WWOX: variants seen among roughly 807,000 people sequenced by gnomAD.
WWOX encodes WW domain containing oxidoreductase, also known as WW domain-containing oxidoreductase.
Under a neutral mutation model 46.2 loss-of-function variants are expected in WWOX, and 69 were observed. That is an observed-to-expected ratio of 1.49 (90% CI 1.23 to 1.82). WWOX has a LOEUF of 1.82. Among genes scored for constraint, WWOX ranks in the 40% most tolerant of loss-of-function variants. WWOX has a pLI of 0.00. For missense variants in WWOX, 919 were observed against 542.6 expected (o/e 1.69, Z -6.89); for synonymous variants, 359 against 202.6 (o/e 1.77, Z -6.56).
At chr16:78,412,976 T>G (rs2082717153) in intron 6 of WWOX, among the ~76,000 whole-genome samples, 1 of 152,210 alleles carries the variant, frequency 6.6e-6, no homozygotes, top group Non-Finnish European at 1.5e-5. Flanking sequence ...CTGTTCTGAT[T>G]TTTCCTTACC....
At chr16:78,947,562 T>C (rs1417847186) in intron 8 of WWOX, among the ~76,000 whole-genome samples, 3 of 152,198 alleles carry the variant, frequency 2.0e-5, no homozygotes, top group Admixed American at 2.0e-4. Context: ...AGCTGTCTGT[T>C]ACAGATTTTC....
At chr16:78,702,813 G>A (rs1457613836) in intron 8 of WWOX, among the ~76,000 whole-genome samples, 3 of 152,110 alleles carry the variant, frequency 2.0e-5, no homozygotes, top group East Asian at 1.9e-4. Context: ...TGTGTGCTGC[G>A]GGTCGAGGGA....
At chr16:78,317,820 T>C (rs2080386353) in intron 5 of WWOX, among the ~76,000 whole-genome samples, 1 of 152,122 alleles carries the variant, frequency 6.6e-6, no homozygotes, top group Non-Finnish European at 1.5e-5. Flanking sequence ...GGTGGAACCA[T>C]GAGGAAATGA....
In WWOX at chr16:79,205,184, A is replaced by C. The variant is rs186862891; in HGVS notation, c.1057-6424A>C. 460 of 152,296 alleles carry C rather than the reference A, an allele frequency of 3.0e-3. 4 individuals carry two copies. Among genetic ancestry groups the C allele is most frequent in the Non-Finnish European group, 5.1e-3 (345 of 68,072 alleles). The allele number at this position is 152,296 out of a possible 1,614,324, so 9.4% of individuals were successfully genotyped here. ...CTTCCCCCTGCATGCGTTTCTCTCA[A>C]GGTGTCCCTTGTAATTTGTGGTTGT... On this transcript the variant is annotated intron_variant, in intron 8 of 8. Coordinates refer to ENST00000566780, the MANE Select transcript of WWOX (RefSeq NM_016373.4).
chr16:78,782,002 C>A (rs1417865947), intron 8 of WWOX, among the ~76,000 whole-genome samples: 1 of 152,142 alleles, frequency 6.6e-6, no homozygotes. Flanking sequence ...AATTTGGTTC[C>A]AAAACCTGCC....
intron 4 of WWOX, among the ~76,000 whole-genome samples, chr16:78,148,494 C>T (rs2034284892): frequency 6.6e-6 from 1 of 151,648 alleles, no homozygotes; most frequent in South Asian, 2.1e-4. Flanking sequence ...GAGGTCTCTG[C>T]CTCTAAAAAG....
At chr16:78,883,395 C>T (rs542089388) in intron 8 of WWOX, among the ~76,000 whole-genome samples, 8 of 152,148 alleles carry the variant, frequency 5.3e-5, no homozygotes, top group African/African-American at 1.9e-4. Context: ...TAAATACAGT[C>T]TGTCATTTAC....
In WWOX at chr16:79,209,998, G is replaced by T. The variant is rs184225102; in HGVS notation, c.1057-1610G>T. On this transcript the variant is annotated intron_variant, in intron 8 of 8. Transcript: ENST00000566780. ...TGGAGTGGGCATGATAATGGAGGGA[G>T]ATTGGGGAGGTAACAAACCAGCTAC... Among the ~76,000 whole-genome samples, 362 of 152,328 alleles carry T rather than the reference G, an allele frequency of 2.4e-3. 4 individuals carry two copies. The highest frequency in any genetic ancestry group is 8.0e-3 in the African/African-American group (333 of 41,572).
At chr16:79,168,716 A>G (rs974934410) in intron 8 of WWOX, among the ~76,000 whole-genome samples, 3 of 152,144 alleles carry the variant, frequency 2.0e-5, no homozygotes, top group Non-Finnish European at 2.9e-5. Context: ...AAGAGGAGGA[A>G]AGCTGGGCAA....
At chr16:78,488,686 C>T (rs1021448460) in intron 8 of WWOX, among the ~76,000 whole-genome samples, 3 of 152,072 alleles carry the variant, frequency 2.0e-5, no homozygotes, top group Admixed American at 6.5e-5. Context: ...GGGAGGTAGG[C>T]TCTGAGTCAA....
rs1041902198 is a variant in WWOX at position 78,240,221 on chromosome 16, G to T, written c.516+75932G>T. Among the ~76,000 whole-genome samples, 6 of 152,194 alleles carry T rather than the reference G, an allele frequency of 3.9e-5. No homozygotes were observed. The South Asian group carries it at 1.2e-3, about 32-fold the overall frequency. ...AGGGGGCACAGTGGTGGGTGTGCCT[G>T]CAATCCCAGCTACTCGGGAGGCTGC... On this transcript the variant is annotated intron_variant, in intron 5 of 8. Coordinates refer to ENST00000566780, the MANE Select transcript of WWOX (RefSeq NM_016373.4).
At chr16:78,976,495 C>G (rs1466870529) in intron 8 of WWOX, among the ~76,000 whole-genome samples, 6 of 152,196 alleles carry the variant, frequency 3.9e-5, no homozygotes, top group Admixed American at 6.5e-5. Context: ...CAAGTAATTT[C>G]TGCTTAAGCA....
chr16:78,582,024 C>G (rs961643002), intron 8 of WWOX, among the ~76,000 whole-genome samples: 5 of 152,122 alleles, frequency 3.3e-5, no homozygotes, highest in African/African-American at 7.2e-5. Context: ...CGTTTGTAGA[C>G]AAGGCAAAGA....
At chr16:78,892,867 G>T (rs2044621210) in intron 8 of WWOX, among the ~76,000 whole-genome samples, 1 of 152,176 alleles carries the variant, frequency 6.6e-6, no homozygotes, top group South Asian at 2.1e-4. Context: ...GAGCATGTTG[G>T]CTTCATTCAT....
intron 6 of WWOX, among the ~76,000 whole-genome samples, chr16:78,403,521 C>T (rs2082460514): frequency 6.6e-6 from 1 of 152,104 alleles, no homozygotes; most frequent in African/African-American, 2.4e-5. Context: ...AATGTGTTTT[C>T]AGGAAGGCTC....
At chr16:78,633,963 G>C (rs533448701) in intron 8 of WWOX, among the ~76,000 whole-genome samples, 1 of 151,336 alleles carries the variant, frequency 6.6e-6, no homozygotes, top group African/African-American at 2.4e-5. Context: ...CAAAGGCTGA[G>C]TGTCCTTTTA....
At chr16:78,710,183 G>A (rs150394570) in intron 8 of WWOX, among the ~76,000 whole-genome samples, 1 of 152,030 alleles carries the variant, frequency 6.6e-6, no homozygotes, top group East Asian at 1.9e-4. Context: ...CTAAGAACAG[G>A]CTTTCCCCGT....
At chr16:78,608,719 T>A (rs2045825648) in intron 8 of WWOX, among the ~76,000 whole-genome samples, 1 of 152,146 alleles carries the variant, frequency 6.6e-6, no homozygotes, top group Non-Finnish European at 1.5e-5. Context: ...CCTTTACAGT[T>A]CCCAGCTGCT....
intron 8 of WWOX, among the ~76,000 whole-genome samples, chr16:78,913,949 C>T (rs1465992901): frequency 6.6e-6 from 1 of 152,038 alleles, no homozygotes; most frequent in East Asian, 1.9e-4. Flanking sequence ...ACATGATCCA[C>T]TGCACGTGGC....
Sources: allele counts gnomAD v4.1 joint callset (sites outside exome capture counted in the v4.1 genomes callset), GRCh38; gene constraint gnomAD v4.1.1; transcripts MANE v1.5; gene names NCBI Gene and HGNC (gene_info 2026-07-23, HGNC 2026-07-21).